SUPT3H: variants seen among roughly 807,000 people sequenced by gnomAD.
The protein encoded by SUPT3H is SPT3 homolog, SAGA and STAGA complex component.
A neutral mutation model predicts 44.3 loss-of-function variants in SUPT3H; 44 were observed. The observed-to-expected ratio is 0.99, with a 90% CI of 0.78 to 1.28. The LOEUF (loss-of-function observed/expected upper bound fraction) is 1.28. SUPT3H is among the 50% of genes most tolerant of loss of function. The pLI is 0.00. For missense variants in SUPT3H, 380 were observed against 387.1 expected (o/e 0.98, Z 0.15); for synonymous variants, 124 against 125.6 (o/e 0.99, Z 0.09).
At chr6:45,347,214 C>T (rs1791063317) in intron 2 of SUPT3H, among the ~76,000 whole-genome samples, 1 of 152,026 alleles carries the variant, frequency 6.6e-6, no homozygotes, top group Non-Finnish European at 1.5e-5. Context: ...AATTTATATT[C>T]AACACCTTAG....
chr6:44,934,676 C>T (rs953425799), intron 9 of SUPT3H, among the ~76,000 whole-genome samples: 1 of 152,234 alleles, frequency 6.6e-6, no homozygotes, highest in Admixed American at 6.5e-5. Context: ...CCACTCACCC[C>T]TTCTGCCATG....
chr6:44,886,441 G>A (rs1052609816), intron 10 of SUPT3H, among the ~76,000 whole-genome samples: 1 of 152,218 alleles, frequency 6.6e-6, no homozygotes, highest in African/African-American at 2.4e-5. Flanking sequence ...CCACAAGCCA[G>A]AAGAGAGTGG....
intron 6 of SUPT3H, among the ~76,000 whole-genome samples, chr6:45,000,787 C>A (rs531876290): frequency 5.3e-5 from 8 of 152,146 alleles, no homozygotes; most frequent in African/African-American, 1.4e-4. Flanking sequence ...GGATTTTCTG[C>A]ACCCCAAACT....
rs1240371292 is a variant in SUPT3H, at chr6:45,309,889, T to C, written c.101+55312A>G. Among the ~76,000 whole-genome samples, 4 of 151,920 alleles carry C rather than the reference T, an allele frequency of 2.6e-5. No homozygotes were observed. The East Asian group carries it at 5.8e-4, about 22-fold the overall frequency. On this transcript the variant is annotated intron_variant, in intron 2 of 10. Coordinates refer to ENST00000371459, the MANE Select transcript of SUPT3H (RefSeq NM_003599.4). ...ATGGGGAGAAAATGTCCACCAAGAA[T>C]AGTGTACCAGATTGTGAATGTTAGC...
intron 2 of SUPT3H, among the ~76,000 whole-genome samples, chr6:45,164,720 T>G (rs954762958): frequency 6.6e-6 from 1 of 152,186 alleles, no homozygotes; most frequent in Non-Finnish European, 1.5e-5. Context: ...CAGCTTGCTA[T>G]AAATAGGTAT....
intron 2 of SUPT3H, among the ~76,000 whole-genome samples, chr6:45,199,625 A>T (rs976264687): frequency 2.6e-5 from 4 of 151,394 alleles, no homozygotes; most frequent in Non-Finnish European, 3.0e-5. Flanking sequence ...GTAATTCAAT[A>T]GTCAGATGAT....
intron 9 of SUPT3H, among the ~76,000 whole-genome samples, chr6:44,942,049 A>G (rs1344471436): frequency 6.6e-6 from 1 of 152,202 alleles, no homozygotes; most frequent in Non-Finnish European, 1.5e-5. Flanking sequence ...CTCCAATTTA[A>G]TAGTTTTCAA....
chr6:45,083,917 A>G (rs1364645554), intron 3 of SUPT3H, among the ~76,000 whole-genome samples: 1 of 152,196 alleles, frequency 6.6e-6, no homozygotes, highest in Non-Finnish European at 1.5e-5. Context: ...ACATTTAGCT[A>G]GCTAGCCAGT....
intron 6 of SUPT3H, among the ~76,000 whole-genome samples, chr6:44,995,751 A>G (rs1781185594): frequency 6.6e-6 from 1 of 152,016 alleles, no homozygotes; most frequent in African/African-American, 2.4e-5. Flanking sequence ...AATACTTCTG[A>G]TGGGAAAAAT....
intron 10 of SUPT3H, among the ~76,000 whole-genome samples, chr6:44,830,328 TCCTC>T (rs1469912171): frequency 6.6e-6 from 1 of 152,118 alleles, no homozygotes; most frequent in Admixed American, 6.6e-5. Flanking sequence ...AGGCCTCTCC[TCCTC>T]CCTAAAATAT....
intron 6 of SUPT3H, among the ~76,000 whole-genome samples, chr6:44,973,182 T>G (rs1358848451): frequency 1.3e-5 from 2 of 152,176 alleles, no homozygotes; most frequent in Non-Finnish European, 2.9e-5. Context: ...AACTGAATAC[T>G]TTTTACAGCA....
chr6:44,995,290 C>T (rs1781129241), intron 6 of SUPT3H, among the ~76,000 whole-genome samples: 1 of 151,962 alleles, frequency 6.6e-6, no homozygotes, highest in Non-Finnish European at 1.5e-5. Context: ...ATAATCATGT[C>T]TCAAATAAAA....
chr6:44,863,743 AAG>A lies in SUPT3H; in HGVS notation c.913-33888_913-33887del, dbSNP rs150371297. The stretch of plus-strand genomic sequence containing the variant: ...CAAGACTGCATAATTTACAAAGAAA[AAG>A]AGATTTAATGGACTCACAGTTCCAC... On this transcript the variant is annotated intron_variant, in intron 10 of 10. Transcript: ENST00000371459. Among the ~76,000 whole-genome samples the A allele has an allele frequency of 7.3e-3, 1,104 of 151,854 alleles. 20 individuals carry two copies. Among genetic ancestry groups the A allele is most frequent in the African/African-American group, 0.025 (1,042 of 41,398 alleles).
chr6:45,340,761 T>C (rs1190387206), intron 2 of SUPT3H, among the ~76,000 whole-genome samples: 1 of 152,088 alleles, frequency 6.6e-6, no homozygotes, highest in Non-Finnish European at 1.5e-5. Flanking sequence ...GGTAAAAAAT[T>C]AAACACTTAA....
chr6:45,362,485 T>C (rs891223688), intron 2 of SUPT3H, among the ~76,000 whole-genome samples: 6 of 152,134 alleles, frequency 3.9e-5, no homozygotes, highest in Non-Finnish European at 7.4e-5. Context: ...GAAATATACA[T>C]AAGCAAGAAT....
chr6:44,864,664 C>A (rs1413769686), intron 10 of SUPT3H, among the ~76,000 whole-genome samples: 1 of 152,216 alleles, frequency 6.6e-6, no homozygotes, highest in African/African-American at 2.4e-5. Flanking sequence ...GTGTTGGCCC[C>A]TTTCAGCCAT....
intron 2 of SUPT3H, among the ~76,000 whole-genome samples, chr6:45,121,222 A>G (rs1289025482): frequency 6.6e-6 from 1 of 152,142 alleles, no homozygotes; most frequent in Non-Finnish European, 1.5e-5. Context: ...TATAGGAGTA[A>G]AAATTAGAGC....
chr6:45,235,018 G>A (rs1015648134), intron 2 of SUPT3H, among the ~76,000 whole-genome samples: 6 of 151,690 alleles, frequency 4.0e-5, no homozygotes, highest in Non-Finnish European at 5.9e-5. Context: ...GAATTTTTTC[G>A]GATTTAGGAA....
chr6:44,810,601 T>TAAA (rs5875892), intron 11 of SUPT3H, among the ~76,000 whole-genome samples: 4,173 of 145,392 alleles, frequency 0.029, 202 homozygotes, highest in African/African-American at 0.096. Flanking sequence ...AGCCTTTTAC[T>TAAA]AAAAAAAAAA....
Sources: allele counts gnomAD v4.1 joint callset (sites outside exome capture counted in the v4.1 genomes callset), GRCh38; gene constraint gnomAD v4.1.1; transcripts MANE v1.5; gene names NCBI Gene and HGNC (gene_info 2026-07-23, HGNC 2026-07-21).